Variants in DAB1 observed in about 807,000 individuals in gnomAD.
DAB1 encodes the protein disabled homolog 1.
In DAB1, 15 loss-of-function variants were observed where a neutral mutation model predicts 64.6. The ratio of observed to expected loss-of-function variants is 0.23; its 90% CI spans 0.16 to 0.36. The LOEUF (loss-of-function observed/expected upper bound fraction) is 0.36. Among genes scored for constraint, DAB1 ranks in the 10% least tolerant of loss-of-function variants. The probability of loss-of-function intolerance (pLI) is 1.00; values close to 1 mark genes in which losing one functional copy is unlikely to be tolerated. For missense variants in DAB1, 596 were observed against 706.7 expected (o/e 0.84, Z 1.78); for synonymous variants, 235 against 251.9 (o/e 0.93, Z 0.64).
chr1:57,945,376 C>T (rs932795842), intron 5 of DAB1, among the ~76,000 whole-genome samples: 3 of 152,066 alleles, frequency 2.0e-5, no homozygotes, highest in African/African-American at 4.8e-5. Context: ...CCTCCCACCT[C>T]AGCCTCTCAA....
chr1:57,976,430 T>C (rs1440478800), intron 5 of DAB1, among the ~76,000 whole-genome samples: 2 of 152,210 alleles, frequency 1.3e-5, no homozygotes, highest in East Asian at 3.8e-4. Context: ...TGCCATCTGC[T>C]TTTCCAGTAT....
At chr1:57,033,650 A>G in intron 9 of DAB1, 1 of 1,393,812 alleles carries the variant, frequency 7.2e-7, no homozygotes, top group Non-Finnish European at 1.0e-6. Context: ...TTTAATGATG[A>G]CAGTATCTAT....
chr1:58,535,765 G>A (rs1168468552), intron 1 of DAB1, among the ~76,000 whole-genome samples: 1 of 152,030 alleles, frequency 6.6e-6, no homozygotes, highest in African/African-American at 2.4e-5. Context: ...GGTACAAAAT[G>A]TTTAACTACC....
chr1:57,918,588 G>T (rs1644763838), intron 5 of DAB1, among the ~76,000 whole-genome samples: 1 of 152,138 alleles, frequency 6.6e-6, no homozygotes, highest in Non-Finnish European at 1.5e-5. Context: ...ACTTTGGGAG[G>T]CCGGGGCGGG....
intron 6 of DAB1, among the ~76,000 whole-genome samples, chr1:57,692,589 C>A (rs1244249743): frequency 6.6e-6 from 1 of 152,126 alleles, no homozygotes; most frequent in Non-Finnish European, 1.5e-5. Flanking sequence ...AAACAGTGTA[C>A]CCTATTCCTT....
chr1:57,510,986 C>A (rs1159008648), intron 7 of DAB1, among the ~76,000 whole-genome samples: 1 of 152,166 alleles, frequency 6.6e-6, no homozygotes, highest in Non-Finnish European at 1.5e-5. Flanking sequence ...GAAATAACTT[C>A]TTTCTCTTGC....
intron 1 of DAB1, among the ~76,000 whole-genome samples, chr1:57,359,505 A>G (rs1384901724): frequency 1.3e-5 from 2 of 152,090 alleles, no homozygotes. Context: ...GTAGATTAGT[A>G]CAGCCATTGT....
intron 5 of DAB1, among the ~76,000 whole-genome samples, chr1:58,109,966 A>T (rs946137108): frequency 1.3e-5 from 2 of 152,194 alleles, no homozygotes; most frequent in Non-Finnish European, 2.9e-5. Context: ...ATATGTTCTT[A>T]CAGGTTTACC....
chr1:57,427,276 C>T (rs1052923670), upstream of DAB1, among the ~76,000 whole-genome samples: 1 of 152,172 alleles, frequency 6.6e-6, no homozygotes, highest in Non-Finnish European at 1.5e-5. Flanking sequence ...TTTATGGAGT[C>T]CATTCTGTAT....
chr1:57,186,310 T>C (rs960200113), intron 2 of DAB1, among the ~76,000 whole-genome samples: 1 of 152,190 alleles, frequency 6.6e-6, no homozygotes, highest in Admixed American at 6.5e-5. Context: ...AACCCACATG[T>C]TGTGTCCAGC....
intron 5 of DAB1, among the ~76,000 whole-genome samples, chr1:57,929,465 C>A (rs1644925146): frequency 1.3e-5 from 2 of 152,160 alleles, no homozygotes; most frequent in South Asian, 4.1e-4. Context: ...CTAATGAATT[C>A]TTTCTTTTGT....
At chr1:57,065,244 G>A (rs1183167446) in intron 8 of DAB1, among the ~76,000 whole-genome samples, 1 of 152,072 alleles carries the variant, frequency 6.6e-6, no homozygotes, top group Non-Finnish European at 1.5e-5. Flanking sequence ...GCCTTGTTTG[G>A]AGCCTTCCCC....
At chr1:58,510,353 C>G (rs1569919248) in intron 2 of DAB1, among the ~76,000 whole-genome samples, 1 of 151,944 alleles carries the variant, frequency 6.6e-6, no homozygotes, top group East Asian at 1.9e-4. Flanking sequence ...TGTGATATAC[C>G]ACATTAACAG....
chr1:57,727,530 A>G (rs945466295), intron 6 of DAB1, among the ~76,000 whole-genome samples: 1 of 152,196 alleles, frequency 6.6e-6, no homozygotes, highest in Non-Finnish European at 1.5e-5. Context: ...ATCATGATGA[A>G]TGGGATTCTG....
chr1:57,105,477 T>A (rs1196573820), intron 4 of DAB1, among the ~76,000 whole-genome samples: 1 of 152,114 alleles, frequency 6.6e-6, no homozygotes, highest in Non-Finnish European at 1.5e-5. Context: ...TCGCCCTTAG[T>A]AGGTGCCTGT....
At chr1:58,476,355 C>T (rs563280694) in intron 3 of DAB1, among the ~76,000 whole-genome samples, 26 of 152,200 alleles carry the variant, frequency 1.7e-4, no homozygotes, top group African/African-American at 6.0e-4. Context: ...GTGACTTATG[C>T]CCCATGCTCT....
chr1:57,229,246 T>G (rs914257133), intron 2 of DAB1, among the ~76,000 whole-genome samples: 1 of 149,890 alleles, frequency 6.7e-6, no homozygotes, highest in Non-Finnish European at 1.5e-5. Context: ...CAGGCTGGAG[T>G]GCAATGATAT....
chr1:57,295,794 T>A (rs1476881421), intron 1 of DAB1, among the ~76,000 whole-genome samples: 2 of 152,120 alleles, frequency 1.3e-5, no homozygotes, highest in African/African-American at 4.8e-5. Context: ...TTTTGCATAA[T>A]TTCCACATTT....
chr1:57,505,730 G>T (rs1270901863), intron 7 of DAB1, among the ~76,000 whole-genome samples: 1 of 152,102 alleles, frequency 6.6e-6, no homozygotes, highest in Non-Finnish European at 1.5e-5. Context: ...GAGTGCAGTG[G>T]CTCAATCACG....
Sources: gnomAD v4.1 joint callset for allele counts (sites outside exome capture counted in the v4.1 genomes callset) on GRCh38, gnomAD v4.1.1 for gene constraint, MANE v1.5 for transcripts, NCBI Gene and HGNC (gene_info 2026-07-23, HGNC 2026-07-21) for gene names.